CPNE4: variants seen among roughly 807,000 people sequenced by gnomAD.
CPNE4 encodes the protein copine 4, also known as copine-4.
A neutral mutation model predicts 67.9 loss-of-function variants in CPNE4; 25 were observed. That is an observed-to-expected ratio of 0.37 (90% CI 0.27 to 0.51). The LOEUF (loss-of-function observed/expected upper bound fraction) is 0.51. Among genes scored for constraint, CPNE4 ranks in the 20% least tolerant of loss-of-function variants. The probability of loss-of-function intolerance (pLI) is 0.93; values close to 1 mark genes in which losing one functional copy is unlikely to be tolerated. For missense variants in CPNE4, 464 were observed against 690.8 expected (o/e 0.67, Z 3.68); for synonymous variants, 242 against 244.9 (o/e 0.99, Z 0.11).
At chr3:131,536,577 A>G (rs913200589) in intron 15 of CPNE4, among the ~76,000 whole-genome samples, 1 of 152,238 alleles carries the variant, frequency 6.6e-6, no homozygotes, top group African/African-American at 2.4e-5. Context: ...AACTTTACTA[A>G]GCCCCGCTGT....
intron 1 of CPNE4, among the ~76,000 whole-genome samples, chr3:132,016,454 T>G (rs1329852410): frequency 2.0e-5 from 3 of 152,188 alleles, no homozygotes; most frequent in Non-Finnish European, 2.9e-5. Context: ...GGGTCTGAGA[T>G]AGACTAGATG....
At chr3:131,696,736 G>GT in intron 4 of CPNE4, 120 bp from the exon 5 acceptor site, 1 of 848,792 alleles carries the variant, frequency 1.2e-6, no homozygotes, top group East Asian at 2.5e-5. Flanking sequence ...TGGGCAAAGA[G>GT]TTTTTCCACA....
intron 2 of CPNE4, among the ~76,000 whole-genome samples, chr3:131,834,023 G>A (rs1044602795): frequency 6.6e-6 from 1 of 152,152 alleles, no homozygotes; most frequent in Admixed American, 6.5e-5. Flanking sequence ...AAGCAGGAAA[G>A]CATGAAATAT....
At chr3:131,632,624 A>G (rs2079259277) in intron 7 of CPNE4, among the ~76,000 whole-genome samples, 1 of 152,098 alleles carries the variant, frequency 6.6e-6, no homozygotes, top group African/African-American at 2.4e-5. Flanking sequence ...TTCAGGACAT[A>G]AGACTATCCT....
intron 2 of CPNE4, among the ~76,000 whole-genome samples, chr3:131,763,709 C>G (rs536917657): frequency 6.6e-6 from 1 of 152,010 alleles, no homozygotes; most frequent in East Asian, 1.9e-4. Context: ...TTCTCCTACA[C>G]TGTGTAGGGG....
At chr3:131,561,654 T>C (rs1174368740) in intron 11 of CPNE4, among the ~76,000 whole-genome samples, 1 of 152,056 alleles carries the variant, frequency 6.6e-6, no homozygotes, top group Non-Finnish European at 1.5e-5. Flanking sequence ...GAGGAATTTC[T>C]AAGGCTCATG....
At chr3:131,787,183 T>C (rs2083589653) in intron 2 of CPNE4, among the ~76,000 whole-genome samples, 1 of 152,326 alleles carries the variant, frequency 6.6e-6, no homozygotes, top group African/African-American at 2.4e-5. Flanking sequence ...TTGGAAGGGC[T>C]GATTTGCCAA....
intron 7 of CPNE4, among the ~76,000 whole-genome samples, chr3:131,609,107 C>A (rs1200417410): frequency 6.6e-6 from 1 of 152,122 alleles, no homozygotes; most frequent in Non-Finnish European, 1.5e-5. Flanking sequence ...TCCTTCATTG[C>A]ACAGTTGGGA....
At chr3:131,857,772 T>C (rs549781024) in intron 2 of CPNE4, among the ~76,000 whole-genome samples, 1 of 152,162 alleles carries the variant, frequency 6.6e-6, no homozygotes, top group Admixed American at 6.6e-5. Flanking sequence ...CCATCCTTTC[T>C]GCTGCTCAAC....
At chr3:131,582,576 A>G (rs764465749) in intron 8 of CPNE4, among the ~76,000 whole-genome samples, 10 of 152,190 alleles carry the variant, frequency 6.6e-5, no homozygotes, top group Non-Finnish European at 1.3e-4. Context: ...GCCTCCCATA[A>G]TCTATTCCTC....
rs146533928 is a variant in CPNE4, at chr3:131,738,055, T to C, written c.181-14430A>G. Among the ~76,000 whole-genome samples the C allele has an allele frequency of 3.8e-3, 578 of 151,764 alleles. 1 individual carries two copies. The highest frequency in any genetic ancestry group is 0.01 in the Middle Eastern group (3 of 294). Reference sequence around the variant, plus strand: ...ATACATCTCCATCCATCCTAATGCATAGAGTCCAGTTTATAATAGATGTGT... The same window carrying C: ...ATACATCTCCATCCATCCTAATGCACAGAGTCCAGTTTATAATAGATGTGT... On this transcript the variant is annotated intron_variant, in intron 2 of 15. Coordinates refer to ENST00000429747, the MANE Select transcript of CPNE4 (RefSeq NM_130808.3).
rs1341354168 is a variant in CPNE4, at chr3:131,974,054, G to C, written c.-2+60513C>G. ...GATACCTCCATGTAAATTTACAAGGGAAGGGCTGTCATTAAAATCCTGTTT... is the reference window on the plus strand; with the variant it reads ...GATACCTCCATGTAAATTTACAAGGCAAGGGCTGTCATTAAAATCCTGTTT... On this transcript the variant is annotated intron_variant, in intron 1 of 15. Coordinates refer to ENST00000429747, the MANE Select transcript of CPNE4 (RefSeq NM_130808.3). Among the ~76,000 whole-genome samples, 6 of 152,146 alleles carry C rather than the reference G, an allele frequency of 3.9e-5. 1 individual carries two copies. Among genetic ancestry groups the C allele is most frequent in the Admixed American group, 2.6e-4 (4 of 15,286 alleles).
intron 8 of CPNE4, among the ~76,000 whole-genome samples, chr3:131,585,314 C>G (rs1938107036): frequency 6.6e-6 from 1 of 152,280 alleles, no homozygotes; most frequent in East Asian, 1.9e-4. Context: ...CATTGTTAGT[C>G]ATGGTGCATT....
At chr3:131,672,379 ATT>A (rs1280561554) in intron 6 of CPNE4, among the ~76,000 whole-genome samples, 2 of 151,998 alleles carry the variant, frequency 1.3e-5, no homozygotes, top group Non-Finnish European at 2.9e-5. Flanking sequence ...TGGTTGTTCT[ATT>A]TTTAATTTTT....
intron 2 of CPNE4, among the ~76,000 whole-genome samples, chr3:131,730,414 A>T (rs977990356): frequency 1.6e-4 from 24 of 152,158 alleles, no homozygotes; most frequent in East Asian, 1.9e-4. Context: ...CAAAGGTAAG[A>T]CTCAACTCCA....
intron 1 of CPNE4, among the ~76,000 whole-genome samples, chr3:132,026,567 T>C (rs2074120326): frequency 6.6e-6 from 1 of 152,208 alleles, no homozygotes; most frequent in African/African-American, 2.4e-5. Flanking sequence ...GACCAAATTA[T>C]TTATAAAACA....
intron 2 of CPNE4, among the ~76,000 whole-genome samples, chr3:131,839,025 T>C (rs1016177606): frequency 2.6e-5 from 4 of 151,910 alleles, no homozygotes; most frequent in African/African-American, 9.7e-5. Flanking sequence ...CAGATAATAA[T>C]GGAGTACAGA....
Position 131,972,581 on chromosome 3 carries a change from C to A in CPNE4, c.-2+61986G>T, listed in dbSNP as rs147966958. Among the ~76,000 whole-genome samples the A allele has an allele frequency of 1.7e-3, 257 of 152,278 alleles. 1 individual carries two copies. The highest frequency in any genetic ancestry group is 2.6e-3 in the Non-Finnish European group (174 of 68,022). On this transcript the variant is annotated intron_variant, in intron 1 of 15. Coordinates refer to ENST00000429747, the MANE Select transcript of CPNE4 (RefSeq NM_130808.3). Reference sequence around the variant, plus strand: ...GGTGCCCCTCACATCCGAGAAGAATCATTCAACAGTGTCAAGGGGCTAAAA... The same window carrying A: ...GGTGCCCCTCACATCCGAGAAGAATAATTCAACAGTGTCAAGGGGCTAAAA...
chr3:131,644,476 G>C (rs373875954), intron 7 of CPNE4, among the ~76,000 whole-genome samples: 2 of 152,182 alleles, frequency 1.3e-5, no homozygotes, highest in East Asian at 1.9e-4. Context: ...AAGTTCCCAT[G>C]TGATGCTGAC....
Sources: allele counts gnomAD v4.1 joint callset (sites outside exome capture counted in the v4.1 genomes callset), GRCh38; gene constraint gnomAD v4.1.1; transcripts MANE v1.5; gene names NCBI Gene and HGNC (gene_info 2026-07-23, HGNC 2026-07-21).